HERPUD2: variants seen among roughly 807,000 people sequenced by gnomAD.
HERPUD2 encodes homocysteine-responsive endoplasmic reticulum-resident ubiquitin-like domain member 2 protein.
In HERPUD2, 13 loss-of-function variants were observed where a neutral mutation model predicts 49.9. The observed-to-expected ratio is 0.26, with a 90% CI of 0.17 to 0.41. The LOEUF is 0.41. Among genes scored for constraint, HERPUD2 ranks in the 10% least tolerant of loss-of-function variants. HERPUD2 has a pLI of 1.00. For synonymous variants in HERPUD2, 172 were observed against 171.4 expected (o/e 1.00, Z -0.03); for missense variants, 449 against 492.2 (o/e 0.91, Z 0.83).
intron 2 of HERPUD2, among the ~76,000 whole-genome samples, chr7:35,685,666 A>T (rs1422262648): frequency 3.9e-5 from 6 of 152,078 alleles, no homozygotes; most frequent in Admixed American, 3.3e-4. Flanking sequence ...TCTTCAGTTT[A>T]AATATCAATG....
At chr7:35,650,750 C>T (rs1033584630) in intron 5 of HERPUD2, among the ~76,000 whole-genome samples, 1 of 152,192 alleles carries the variant, frequency 6.6e-6, no homozygotes, top group African/African-American at 2.4e-5. Context: ...TGTACCCCCC[C>T]ACCAATTTAC....
chr7:35,686,377 C>T (rs1357257494), intron 2 of HERPUD2, among the ~76,000 whole-genome samples: 5 of 147,316 alleles, frequency 3.4e-5, no homozygotes, highest in African/African-American at 5.0e-5. Flanking sequence ...TTAGTAGAGA[C>T]GGGGTTTCAC....
chr7:35,688,771 C>A (rs540649350), intron 2 of HERPUD2, among the ~76,000 whole-genome samples: 1 of 152,164 alleles, frequency 6.6e-6, no homozygotes, highest in South Asian at 2.1e-4. Context: ...TCCCTAAATG[C>A]CTTTCTTCAT....
At chr7:35,675,703 A>T (rs1785746272) in intron 2 of HERPUD2, among the ~76,000 whole-genome samples, 1 of 152,168 alleles carries the variant, frequency 6.6e-6, no homozygotes, top group Non-Finnish European at 1.5e-5. Flanking sequence ...AAATTTTGCT[A>T]TTCTTGTCTC....
chr7:35,635,273 T>C lies in HERPUD2; in HGVS notation c.803A>G (p.Asn268Ser), dbSNP rs1784852226. ...CCAGTCTCGATTGAAGTCTTCTTCA[T>C]TTAGTACTGGACCTCCCTGTGCATT... The part of the protein sequence containing the change: ...QMNAQGGPVL[N>S]EEDFNRDWLD... Residue 268 changes from asparagine (N) to serine (S), a missense_variant, in exon 7 of 9, where the codon AAT becomes AGT. Asn to Ser is a conservative substitution (Grantham distance 46). Coordinates refer to ENST00000311350, the MANE Select transcript of HERPUD2 (RefSeq NM_022373.5). 2 of 1,614,152 alleles carry C rather than the reference T, an allele frequency of 1.2e-6. No homozygotes were observed. Among genetic ancestry groups the C allele is most frequent in the Non-Finnish European group, 8.5e-7 (1 of 1,180,000 alleles).
At chr7:35,667,332 A>C in intron 5 of HERPUD2, 102 bp downstream of exon 5, 1 of 1,043,450 alleles carries the variant, frequency 9.6e-7, no homozygotes, top group Non-Finnish European at 1.4e-6. Context: ...AATAAATTTA[A>C]AATGTACTTT....
intron 4 of HERPUD2, among the ~76,000 whole-genome samples, chr7:35,669,042 C>A (rs954533070): frequency 1.3e-5 from 2 of 152,122 alleles, no homozygotes; most frequent in Admixed American, 6.6e-5. Flanking sequence ...ACTAATGACA[C>A]AAAATCATGG....
At position 35,641,298 on chromosome 7, in the gene HERPUD2, A is replaced by G. The variant is rs530074294; in HGVS notation, c.495-2826T>C. ...AAATTGGAATAAGCCGTTAAAACACAATTACAAAATTAAAGACCTTTAAAA... is the reference window on the plus strand; with the variant it reads ...AAATTGGAATAAGCCGTTAAAACACGATTACAAAATTAAAGACCTTTAAAA... On this transcript the variant is annotated intron_variant, in intron 5 of 8. Coordinates refer to ENST00000311350, the MANE Select transcript of HERPUD2 (RefSeq NM_022373.5). Among the ~76,000 whole-genome samples the G allele has an allele frequency of 1.7e-3, 253 of 152,300 alleles. 2 individuals carry two copies. The highest frequency in any genetic ancestry group is 2.6e-3 in the Non-Finnish European group (177 of 68,022).
At chr7:35,664,773 T>C (rs928643170) in intron 5 of HERPUD2, among the ~76,000 whole-genome samples, 4 of 152,206 alleles carry the variant, frequency 2.6e-5, no homozygotes, top group African/African-American at 4.8e-5. Flanking sequence ...ATGCTGTTTA[T>C]TCTCGTTAGC....
At chr7:35,634,982 T>A (rs1784846516) in intron 7 of HERPUD2, among the ~76,000 whole-genome samples, 153 bp downstream of exon 7, 1 of 152,182 alleles carries the variant, frequency 6.6e-6, no homozygotes. Context: ...CAACAAAACC[T>A]TCCCTTGCTT....
Position 35,665,000 on chromosome 7 carries a change from A to G in HERPUD2, c.494+2434T>C, listed in dbSNP as rs1314934233. Among the ~76,000 whole-genome samples the G allele has an allele frequency of 2.0e-5, 3 of 152,300 alleles. No homozygotes were observed. The South Asian group carries it at 6.2e-4, about 32-fold the overall frequency. On this transcript the variant is annotated intron_variant, in intron 5 of 8. Transcript: ENST00000311350. ...GAAGCTTCATCTCAGAGGGGCACCCAGCCTTATGAAGTGCCAGTCGCCCCC... is the reference window on the plus strand; with the variant it reads ...GAAGCTTCATCTCAGAGGGGCACCCGGCCTTATGAAGTGCCAGTCGCCCCC...
At position 35,670,236 on chromosome 7, in the gene HERPUD2, T is replaced by C; in HGVS notation, c.318A>G (p.Ala106=). 9 of 1,571,456 alleles carry C rather than the reference T, an allele frequency of 5.7e-6. No individual in the cohort carries two copies. Among genetic ancestry groups the C allele is most frequent in the Non-Finnish European group, 6.9e-6 (8 of 1,152,728 alleles). The stretch of plus-strand genomic sequence containing the variant: ...TCACAGAATTGCTGCTGGATGCCAA[T>C]GCTTCATGACTTTCTCTATTGGTGC... ...KSSTNRESHE[A]LASSSNSSSD... is the part of the protein sequence containing the mutation. The change falls in exon 4 of 9, where the codon GCA becomes GCG. Residue 106 remains alanine, a synonymous_variant. Transcript: ENST00000311350.
At chr7:35,685,003 G>A (rs1350662482) in intron 2 of HERPUD2, among the ~76,000 whole-genome samples, 2 of 152,270 alleles carry the variant, frequency 1.3e-5, no homozygotes, top group East Asian at 3.9e-4. Context: ...CACTTTGGGA[G>A]GCCAAAACAG....
At chr7:35,683,586 T>G (rs1056700883) in intron 2 of HERPUD2, among the ~76,000 whole-genome samples, 27 of 152,110 alleles carry the variant, frequency 1.8e-4, no homozygotes, top group Non-Finnish European at 2.2e-4. Context: ...TTAATTAAAC[T>G]AAAGAACTTC....
chr7:35,686,735 A>AAAC lies in HERPUD2; in HGVS notation c.147+7448_147+7449insGTT, dbSNP rs1248280473. ...CTCCGTCTCAAAAAAAAAAAAAAAA[A>AAAC]AAAAAAAAAACCAAACCCATTTCCA... On this transcript the variant is annotated intron_variant, in intron 2 of 8. Coordinates refer to ENST00000311350, the MANE Select transcript of HERPUD2 (RefSeq NM_022373.5). 2.3e-3 allele frequency among the ~76,000 whole-genome samples: 222 copies of AAAC among 96,384 alleles called. 32 individuals carry two copies. Among genetic ancestry groups the AAAC allele is most frequent in the South Asian group, 0.012 (22 of 1,840 alleles). The allele number at this position is 96,384 out of a possible 152,430, so 63.2% of individuals were successfully genotyped here.
rs1213552056 is a variant in HERPUD2, at chr7:35,694,972, GCTGACCGAA to G, written c.-478_-470del. 2.9e-5 allele frequency: 2 copies of G among 70,130 alleles called. No homozygotes were observed. Among genetic ancestry groups the G allele is most frequent in the Non-Finnish European group, 5.6e-5 (2 of 36,026 alleles). 4.3% of individuals were successfully genotyped at this position (70,130 alleles called of 1,614,324 possible). A position where few individuals can be genotyped will look rare whatever the true frequency, so the allele number is the denominator to read the frequency against. The stretch of plus-strand genomic sequence containing the variant: ...GGAGGCGCGGGTGAAAGGGAGAGAA[GCTGACCGAA>G]GGCGCGGCCCGGCTCTCCGCCTGAC... On this transcript the variant is annotated 5_prime_UTR_variant, in exon 1 of 9. Coordinates refer to ENST00000311350, the MANE Select transcript of HERPUD2 (RefSeq NM_022373.5).
In HERPUD2 at chr7:35,633,412, G is replaced by T. The variant is rs1784815316; in HGVS notation, c.*278C>A. On this transcript the variant is annotated 3_prime_UTR_variant, in exon 9 of 9. Coordinates refer to ENST00000311350, the MANE Select transcript of HERPUD2 (RefSeq NM_022373.5). ...AGAAATAAGACATGAAAATAGGTCT[G>T]TCCTGGTATACTACACATAATTGAA... 1 of 211,298 alleles carries T rather than the reference G, an allele frequency of 4.7e-6. No individual in the cohort carries two copies. The highest frequency in any genetic ancestry group is 9.3e-6 in the Non-Finnish European group (1 of 107,104). The allele number at this position is 211,298 out of a possible 1,614,324, so 13.1% of individuals were successfully genotyped here. A position where few individuals can be genotyped will look rare whatever the true frequency, so the allele number is the denominator to read the frequency against.
At position 35,694,366 on chromosome 7, in the gene HERPUD2, G is replaced by C. The variant is rs751238952; in HGVS notation, c.-36C>G. On this transcript the variant is annotated 5_prime_UTR_variant, in exon 2 of 9. Transcript: ENST00000311350. ...AAGTCAGACAGAGTCCAGAGGAGCG[G>C]CAGTTAAGCCCAAAAGAGCCGAGAT... 3.1e-6 allele frequency: 5 copies of C among 1,613,226 alleles called. No individual in the cohort carries two copies. Among genetic ancestry groups the C allele is most frequent in the Middle Eastern group, 1.7e-4 (1 of 5,998 alleles).
chr7:35,655,205 A>G (rs1189360979), intron 5 of HERPUD2, among the ~76,000 whole-genome samples: 2 of 152,186 alleles, frequency 1.3e-5, no homozygotes, highest in African/African-American at 4.8e-5. Flanking sequence ...AACTACTCCA[A>G]AACATTGAAG....
Sources: gnomAD v4.1 joint callset for allele counts (sites outside exome capture counted in the v4.1 genomes callset) on GRCh38, gnomAD v4.1.1 for gene constraint, MANE v1.5 for transcripts, NCBI Gene and HGNC (gene_info 2026-07-23, HGNC 2026-07-21) for gene names.